FLT1: variants seen among roughly 807,000 people sequenced by gnomAD.
FLT1 encodes the protein fms related receptor tyrosine kinase 1, also known as vascular endothelial growth factor receptor 1.
A neutral mutation model predicts 156.3 loss-of-function variants in FLT1; 49 were observed. The ratio of observed to expected loss-of-function variants is 0.31; its 90% confidence interval spans 0.25 to 0.40. FLT1 has a LOEUF of 0.40. FLT1 is among the 10% of genes least tolerant of loss of function. The pLI is 1.00. For synonymous variants in FLT1, 594 were observed against 583.8 expected, an observed-to-expected ratio of 1.02 and a Z score of -0.25; for missense variants, 1,322 against 1,637.2, an observed-to-expected ratio of 0.81 and a Z score of 3.32.
intron 4 of FLT1, among the ~76,000 whole-genome samples, chr13:28,437,418 G>T (rs893634088): frequency 6.6e-6 from 1 of 152,146 alleles, no homozygotes; most frequent in Non-Finnish European, 1.5e-5. Context: ...CTTCCTGAGT[G>T]CCTGCTCTGT....
At chr13:28,307,649 C>T (rs564834545) in intron 28 of FLT1, among the ~76,000 whole-genome samples, 3 of 96,844 alleles carry the variant, frequency 3.1e-5, no homozygotes, top group South Asian at 4.3e-4. Context: ...TGTGGTTTTT[C>T]GTTTTTGATT....
At chr13:28,413,114 G>A (rs1229424022) in intron 10 of FLT1, among the ~76,000 whole-genome samples, 1 of 152,100 alleles carries the variant, frequency 6.6e-6, no homozygotes, top group Non-Finnish European at 1.5e-5. Flanking sequence ...AGAAGGGGGA[G>A]TGGAGAAGAG....
intron 4 of FLT1, among the ~76,000 whole-genome samples, chr13:28,436,427 A>C (rs143791389): frequency 5.3e-4 from 81 of 152,360 alleles, no homozygotes; most frequent in Non-Finnish European, 7.9e-4. Context: ...TATATGTGCC[A>C]AACCAAAATC....
chr13:28,452,432 C>T (rs960115125), intron 3 of FLT1, among the ~76,000 whole-genome samples: 5 of 152,182 alleles, frequency 3.3e-5, no homozygotes, highest in African/African-American at 1.2e-4. Context: ...CATTAATAAA[C>T]GATAGTGACC....
At position 28,433,955 on chromosome 13, in the gene FLT1, G is replaced by C; in HGVS notation, c.677C>G (p.Thr226Ser). ...TATTTGGACATCTATGATTGTATTG[G>C]CTGCAAGCATAAGAGAGAAATTTTT... ...YKTNYLTHRQ[T>S]NTIIDVQIST... Residue 226 changes from threonine to serine, a missense_variant and splice_region_variant, in exon 6 of 30, where the codon ACC (threonine) becomes AGC (serine). By Grantham distance (58) the Thr-to-Ser change is moderately conservative. Around this residue, in one of 3 missense-constraint regions of FLT1, gnomAD observed 991 missense variants for 1,254.8 expected, o/e 0.79. Coordinates refer to ENST00000282397, the MANE Select transcript of FLT1 (RefSeq NM_002019.4). The C allele has an allele frequency of 6.2e-7, 1 of 1,614,030 alleles. No homozygotes were observed. Among genetic ancestry groups the C allele is most frequent in the Non-Finnish European group, 8.5e-7 (1 of 1,179,908 alleles).
chr13:28,308,792 T>A, intron 28 of FLT1, 51 bp downstream of exon 28: 1 of 1,110,836 alleles, frequency 9.0e-7, no homozygotes, highest in Non-Finnish European at 1.4e-6. Context: ...GGAAGGGATC[T>A]GAAGAAGGGG....
chr13:28,389,384 A>C (rs1444823527), intron 13 of FLT1: 41 of 1,266,706 alleles, frequency 3.2e-5, no homozygotes, highest in Non-Finnish European at 4.1e-5. Flanking sequence ...TTAAAAATAA[A>C]AAGAGGTTGG....
chr13:28,317,439 G>A, intron 25 of FLT1, 59 bp downstream of exon 25: 1 of 1,051,886 alleles, frequency 9.5e-7, no homozygotes. Flanking sequence ...TCCCCTCTCA[G>A]GAATGCCCTG....
chr13:28,306,398 C>T (rs1418799521), intron 29 of FLT1, among the ~76,000 whole-genome samples: 2 of 152,210 alleles, frequency 1.3e-5, no homozygotes, highest in African/African-American at 4.8e-5. Context: ...TAGGTGGGCA[C>T]ATCAGGCTTC....
intron 3 of FLT1, among the ~76,000 whole-genome samples, chr13:28,458,448 G>A (rs1879390433): frequency 6.6e-6 from 1 of 152,188 alleles, no homozygotes. Context: ...ATTTTAGAGA[G>A]CCCCAGAAAT....
At chr13:28,313,887 G>GT (rs1363270271) in intron 25 of FLT1, among the ~76,000 whole-genome samples, 12 of 51,988 alleles carry the variant, frequency 2.3e-4, no homozygotes, top group Middle Eastern at 0.012. Context: ...ATACAGGGAG[G>GT]TAAAAAAAAA....
At chr13:28,490,893 C>T (rs561191675) in intron 1 of FLT1, among the ~76,000 whole-genome samples, 168 of 152,324 alleles carry the variant, frequency 1.1e-3, no homozygotes, top group African/African-American at 3.8e-3. Context: ...GAATTAGACA[C>T]GCCTGGCCTC....
Position 28,300,521 on chromosome 13 carries a change from C to CCACACACCCACACACACACACA in FLT1, c.*2645_*2646insTGTGTGTGTGTGTGGGTGTGTG. On this transcript the variant is annotated 3_prime_UTR_variant, in exon 30 of 30. Coordinates refer to ENST00000282397, the MANE Select transcript of FLT1 (RefSeq NM_002019.4). ...AGTTATGCACAAAACACACATACAC[C>CCACACACCCACACACACACACA]CACACACACACACACACACACACAC... The CCACACACCCACACACACACACA allele has an allele frequency of 5.1e-6, 1 of 196,226 alleles. No homozygotes were observed. The highest frequency in any genetic ancestry group is 2.0e-4 in the South Asian group (1 of 5,036). The allele number at this position is 196,226 out of a possible 1,614,324, so 12.2% of individuals were successfully genotyped here. A position where few individuals can be genotyped will look rare whatever the true frequency, so the allele number is the denominator to read the frequency against.
chr13:28,385,863 T>C, intron 13 of FLT1: 1 of 1,052,640 alleles, frequency 9.5e-7, no homozygotes. Flanking sequence ...GTACAGTATA[T>C]CTCTAATGAA....
chr13:28,359,563 G>A (rs1204157714), intron 14 of FLT1, among the ~76,000 whole-genome samples: 1 of 152,154 alleles, frequency 6.6e-6, no homozygotes, highest in African/African-American at 2.4e-5. Flanking sequence ...AAAACCTTTT[G>A]CACAGCAAAG....
chr13:28,429,991 T>G, intron 8 of FLT1, 59 bp downstream of exon 8: 1 of 1,134,696 alleles, frequency 8.8e-7, no homozygotes, highest in Non-Finnish European at 1.3e-6. Flanking sequence ...ATTAGGCTCT[T>G]GCAGCTTCCC....
At chr13:28,353,163 A>G (rs1164755579) in intron 15 of FLT1, among the ~76,000 whole-genome samples, 2 of 152,086 alleles carry the variant, frequency 1.3e-5, no homozygotes, top group African/African-American at 2.4e-5. Flanking sequence ...GGATTTTTGT[A>G]TCTGTCAATC....
At chr13:28,492,780 G>A (rs947417141) in intron 1 of FLT1, among the ~76,000 whole-genome samples, 7 of 152,276 alleles carry the variant, frequency 4.6e-5, no homozygotes, top group African/African-American at 1.7e-4. Context: ...GTAGCTGATT[G>A]TTTTACTGTG....
At chr13:28,318,585 G>A (rs565216011) in intron 24 of FLT1, among the ~76,000 whole-genome samples, 12 of 152,298 alleles carry the variant, frequency 7.9e-5, no homozygotes, top group East Asian at 7.7e-4. Flanking sequence ...CCGTGTCATC[G>A]CAGGACCACT....
Sources: allele counts gnomAD v4.1 joint callset (sites outside exome capture counted in the v4.1 genomes callset), GRCh38; gene constraint gnomAD v4.1.1; regional missense constraint gnomAD v4.1.1; transcripts MANE v1.5; gene names NCBI Gene and HGNC (gene_info 2026-07-23, HGNC 2026-07-21).